The following WDR59 variants were observed in gnomAD, a reference collection of about 807,000 sequenced individuals.
WDR59 encodes WD repeat domain 59, also known as GATOR2 complex protein WDR59.
WDR59 carries 100 observed loss-of-function variants against 131.2 expected under a neutral mutation model. The ratio of observed to expected loss-of-function variants is 0.76; its 90% CI spans 0.65 to 0.90. The LOEUF (loss-of-function observed/expected upper bound fraction) is 0.90. WDR59 is among the 40% of genes least tolerant of loss of function. The pLI is 0.00. For synonymous variants in WDR59, 601 were observed against 466.2 expected, an observed-to-expected ratio of 1.29 and a Z score of -3.72; for missense variants, 1,203 against 1,262.2, an observed-to-expected ratio of 0.95 and a Z score of 0.71.
chr16:74,949,155 C>CAAAAATA (rs2032833582), intron 5 of WDR59, among the ~76,000 whole-genome samples: 1 of 151,128 alleles, frequency 6.6e-6, no homozygotes, highest in African/African-American at 2.4e-5. Context: ...TCTGTCCCCA[C>CAAAAATA]AAAAATAAAA....
At chr16:74,968,199 G>C (rs2033849219) in intron 1 of WDR59, among the ~76,000 whole-genome samples, 1 of 152,120 alleles carries the variant, frequency 6.6e-6, no homozygotes, top group South Asian at 2.1e-4. Flanking sequence ...AAATTTAGAG[G>C]ACGGGGAGAC....
chr16:74,974,829 C>T (rs867458497), intron 1 of WDR59, among the ~76,000 whole-genome samples: 9 of 152,146 alleles, frequency 5.9e-5, no homozygotes, highest in Middle Eastern at 3.2e-3. Flanking sequence ...CAGTTACACA[C>T]GAAAGGAATT....
intron 8 of WDR59, among the ~76,000 whole-genome samples, chr16:74,932,430 T>TACACACACAC (rs34468583): frequency 6.9e-6 from 1 of 144,110 alleles, no homozygotes; most frequent in Non-Finnish European, 1.5e-5. Flanking sequence ...ACATAATTTT[T>TACACACACAC]ACACACACAC....
chr16:74,937,101 G>A (rs2031861483), intron 8 of WDR59, among the ~76,000 whole-genome samples: 1 of 152,166 alleles, frequency 6.6e-6, no homozygotes, highest in Admixed American at 6.5e-5. Context: ...CCTGTCCTCA[G>A]AGACCTGACC....
At chr16:74,928,408 G>A (rs940287740) in intron 8 of WDR59, among the ~76,000 whole-genome samples, 2 of 150,810 alleles carry the variant, frequency 1.3e-5, no homozygotes, top group South Asian at 2.1e-4. Flanking sequence ...CTATAGAGAC[G>A]AGGTCTCCCT....
intron 1 of WDR59, among the ~76,000 whole-genome samples, chr16:74,977,269 A>AG (rs1292855100): frequency 6.6e-6 from 1 of 152,096 alleles, no homozygotes; most frequent in Non-Finnish European, 1.5e-5. Context: ...AAATTAAAAA[A>AG]AAATTTTTAA....
intron 6 of WDR59, among the ~76,000 whole-genome samples, chr16:74,945,482 TAAA>T (rs796605514): frequency 2.2e-5 from 3 of 136,086 alleles, no homozygotes; most frequent in South Asian, 2.4e-4. Flanking sequence ...GTCTCAAAAA[TAAA>T]AAAAAAAAAG....
chr16:74,971,474 C>G (rs2033981839), intron 1 of WDR59, among the ~76,000 whole-genome samples: 1 of 144,884 alleles, frequency 6.9e-6, no homozygotes, highest in South Asian at 2.2e-4. Context: ...GCTCTGTCAC[C>G]CAGGCTGGAG....
At chr16:74,891,937 A>C (rs1296059074) in intron 20 of WDR59, among the ~76,000 whole-genome samples, 1 of 152,204 alleles carries the variant, frequency 6.6e-6, no homozygotes, top group Non-Finnish European at 1.5e-5. Context: ...AAACAAAAAC[A>C]AAAACAAACC....
At chr16:74,891,156 C>T (rs887296911) in intron 20 of WDR59, among the ~76,000 whole-genome samples, 1 of 150,178 alleles carries the variant, frequency 6.7e-6, no homozygotes, top group African/African-American at 2.5e-5. Context: ...TTCTGGAAAA[C>T]CTTTCTCAGT....
At chr16:74,952,587 T>C (rs9935937) in intron 3 of WDR59, among the ~76,000 whole-genome samples, 10,198 of 150,582 alleles carry the variant, frequency 0.068, 394 homozygotes, top group African/African-American at 0.11. Flanking sequence ...ACAAGGAAAA[T>C]GGACCAGAAG....
chr16:74,969,061 G>C (rs1238900943), intron 1 of WDR59, among the ~76,000 whole-genome samples: 1 of 152,152 alleles, frequency 6.6e-6, no homozygotes, highest in Non-Finnish European at 1.5e-5. Context: ...TTCTAGACGT[G>C]GGTTAAGAAC....
At chr16:74,936,489 G>T (rs1233775319) in intron 8 of WDR59, among the ~76,000 whole-genome samples, 1 of 152,004 alleles carries the variant, frequency 6.6e-6, no homozygotes, top group Non-Finnish European at 1.5e-5. Flanking sequence ...ATGGCTTCTG[G>T]TTCCTGAACT....
chr16:74,981,857 T>A (rs189510359), intron 1 of WDR59, among the ~76,000 whole-genome samples: 1,729 of 140,366 alleles, frequency 0.012, 36 homozygotes, highest in African/African-American at 0.043. Context: ...GGTTTCACCA[T>A]GTTGGCCAGG....
intron 25 of WDR59, among the ~76,000 whole-genome samples, chr16:74,884,639 C>T (rs147714194): frequency 2.6e-5 from 4 of 152,332 alleles, no homozygotes; most frequent in Non-Finnish European, 5.9e-5. Flanking sequence ...TAAGTCACCA[C>T]GTCCGGCCAA....
intron 13 of WDR59, among the ~76,000 whole-genome samples, chr16:74,912,873 G>T (rs1966169369): frequency 6.6e-6 from 1 of 152,238 alleles, no homozygotes; most frequent in Non-Finnish European, 1.5e-5. Context: ...TGTCTTTAAG[G>T]CACAGATTGC....
intron 10 of WDR59, among the ~76,000 whole-genome samples, chr16:74,920,035 C>A (rs1028038269): frequency 1.4e-5 from 2 of 147,726 alleles, no homozygotes; most frequent in Non-Finnish European, 3.0e-5. Flanking sequence ...CGTGCCTGCA[C>A]GCTAGCCTGG....
chr16:74,907,931 G>T (rs545047698), intron 17 of WDR59, among the ~76,000 whole-genome samples: 2 of 152,306 alleles, frequency 1.3e-5, no homozygotes, highest in Admixed American at 1.3e-4. Context: ...GTCATAAAAT[G>T]ACAGGGCCAA....
chr16:74,903,874 C>A (rs550643321), intron 18 of WDR59, 73 bp downstream of exon 18: 12 of 1,513,096 alleles, frequency 7.9e-6, no homozygotes, highest in East Asian at 2.4e-5. Context: ...CTAGCTGCTG[C>A]GCCAGGCAGG....
Sources: allele counts gnomAD v4.1 joint callset (sites outside exome capture counted in the v4.1 genomes callset), GRCh38; gene constraint gnomAD v4.1.1; transcripts MANE v1.5; gene names NCBI Gene and HGNC (gene_info 2026-07-23, HGNC 2026-07-21).